BPIFB4: variants seen among roughly 807,000 people sequenced by gnomAD.
BPIFB4 encodes the protein BPI fold containing family B member 4.
In BPIFB4, 62 loss-of-function variants were observed where a neutral mutation model predicts 69.2. That is an observed-to-expected ratio of 0.90 (90% CI 0.73 to 1.11). The LOEUF is 1.11. BPIFB4 is among the 50% of genes least tolerant of loss of function. BPIFB4 has a pLI of 0.00. For missense variants in BPIFB4, 789 were observed against 792.0 expected, an observed-to-expected ratio of 1.00 and a Z score of 0.04; for synonymous variants, 330 against 332.7, an observed-to-expected ratio of 0.99 and a Z score of 0.09.
rs753934650 is a variant in BPIFB4 at position 33,089,535 on chromosome 20, A to G, written c.1028A>G (p.Asn343Ser). 2.2e-5 allele frequency: 35 copies of G among 1,614,072 alleles called. No homozygotes were observed. Among genetic ancestry groups the G allele is most frequent in the Non-Finnish European group, 2.8e-5 (33 of 1,180,042 alleles). ...GTGGATGTGGTGCTGGGTCTTGTCA[A>G]TGACCAGCTGGGCCTCGTGGATTGT... ...PIVDVVLGLV[N>S]DQLGLVDSLI... The change falls in exon 9 of 18, where the codon AAT (asparagine) becomes AGT (serine). Residue 343 changes from asparagine to serine, a missense_variant. By Grantham distance (46) the Asn-to-Ser change is conservative. Transcript: ENST00000375483.
chr20:33,089,408 A>G lies in BPIFB4; in HGVS notation c.991-90A>G, dbSNP rs1981530121. The G allele has an allele frequency of 3.1e-6, 5 of 1,592,264 alleles. No homozygotes were observed. In the East Asian group the frequency reaches 9.0e-5, roughly 29 times the overall value. On this transcript the variant is annotated intron_variant, in intron 8 of 17. Coordinates refer to ENST00000375483, the MANE Select transcript of BPIFB4 (RefSeq NM_182519.3). The stretch of plus-strand genomic sequence containing the variant: ...CTGGCACAGAGCAAGCAGTCAGTAA[A>G]TTTTAGCTATCGTTACTCTTGCGTC...
intron 12 of BPIFB4, 89 bp from the exon 13 acceptor site, chr20:33,097,528 G>C: frequency 3.6e-6 from 5 of 1,370,790 alleles, no homozygotes; most frequent in Non-Finnish European, 5.0e-6. Context: ...ATGAGACCCC[G>C]GTGCTCTGTG....
chr20:33,082,323 GTTTATTTTAT>G (rs3049372), intron 3 of BPIFB4, among the ~76,000 whole-genome samples: 2 of 150,976 alleles, frequency 1.3e-5, no homozygotes, highest in Non-Finnish European at 2.9e-5. Context: ...ACATAAGAAA[GTTTATTTTAT>G]TTTATTTTAT....
chr20:33,092,605 C>T lies in BPIFB4; in HGVS notation c.1291C>T (p.Leu431=), dbSNP rs574793283. ...AMSANFLGSV[L]TLLQKQHALD... ...GTCTGCCAACTTCCTGGGCTCAGTG[C>T]TGACTCTACTGCAGAAGCAGCATGC... Residue 431 remains leucine (L), a synonymous_variant, in exon 11 of 18, where the codon CTG becomes TTG. Coordinates refer to ENST00000375483, the MANE Select transcript of BPIFB4 (RefSeq NM_182519.3). 6.2e-7 allele frequency: 1 copy of T among 1,613,596 alleles called. No homozygotes were observed. The highest frequency in any genetic ancestry group is 8.5e-7 in the Non-Finnish European group (1 of 1,180,024).
intron 5 of BPIFB4, among the ~76,000 whole-genome samples, chr20:33,084,434 A>C (rs541620731): frequency 3.3e-5 from 5 of 152,330 alleles, no homozygotes; most frequent in Admixed American, 3.3e-4. Context: ...CAACAGTGGC[A>C]AGAAGTTCAT....
chr20:33,101,729 A>G (rs1414760610), intron 14 of BPIFB4, among the ~76,000 whole-genome samples: 2 of 152,140 alleles, frequency 1.3e-5, no homozygotes, highest in Admixed American at 1.3e-4. Context: ...TATTTCTAGT[A>G]GAGACGGGGT....
At chr20:33,108,491 C>T (rs1478601220) in intron 17 of BPIFB4, among the ~76,000 whole-genome samples, 1 of 147,618 alleles carries the variant, frequency 6.8e-6, no homozygotes, top group Non-Finnish European at 1.5e-5. Context: ...GCTTTTCATT[C>T]CAGTCTTTCT....
At chr20:33,106,643 A>C (rs1455234844) in intron 16 of BPIFB4, among the ~76,000 whole-genome samples, 1 of 152,074 alleles carries the variant, frequency 6.6e-6, no homozygotes, top group Admixed American at 6.6e-5. Context: ...AAGGGGACAT[A>C]GTTCTTGCCT....
At chr20:33,082,099 C>A (rs1981248229) in intron 3 of BPIFB4, among the ~76,000 whole-genome samples, 1 of 152,182 alleles carries the variant, frequency 6.6e-6, no homozygotes, top group Non-Finnish European at 1.5e-5. Flanking sequence ...TATAATTATT[C>A]TTGCCTCCAA....
intron 11 of BPIFB4, among the ~76,000 whole-genome samples, chr20:33,094,183 A>T (rs6059076): frequency 0.5 from 75,643 of 152,100 alleles, 19,132 homozygotes; most frequent in Middle Eastern, 0.52. Context: ...GTCCCCTTTT[A>T]AACTAAGAGA....
rs754215511 is a variant in BPIFB4, at chr20:33,107,809, G to T, written c.1810G>T (p.Asp604Tyr). ...CATCGACTTTAGCAATGCAGACATTGACGTGTTGGAGGTAAGAGGAGATCG... is the reference window on the plus strand; with the variant it reads ...CATCGACTTTAGCAATGCAGACATTTACGTGTTGGAGGTAAGAGGAGATCG... ...LNIDFSNADI[D>Y]VLEDLLVLSA The change falls in exon 17 of 18, where the codon GAC (aspartate) becomes TAC (tyrosine). Residue 604 changes from aspartate (D) to tyrosine (Y), a missense_variant. By Grantham distance (160) the Asp-to-Tyr change is radical (BLOSUM62 -3). Around this residue, in one of 3 missense-constraint regions of BPIFB4, gnomAD observed 170 missense variants for 193.6 expected, o/e 0.88. Coordinates refer to ENST00000375483, the MANE Select transcript of BPIFB4 (RefSeq NM_182519.3). The T allele has an allele frequency of 1.9e-6, 3 of 1,613,928 alleles. No individual in the cohort carries two copies. Among genetic ancestry groups the T allele is most frequent in the Non-Finnish European group, 2.5e-6 (3 of 1,179,834 alleles).
chr20:33,085,069 AG>A, intron 6 of BPIFB4, 73 bp downstream of exon 6: 1 of 1,542,824 alleles, frequency 6.5e-7, no homozygotes, highest in Non-Finnish European at 8.7e-7. Context: ...CACAGAGGCT[AG>A]GAAGACCTAA....
rs763653111 is a variant in BPIFB4 at position 33,083,395 on chromosome 20, C to T, written c.198C>T (p.Phe66=). ...LGVGDIPYND[F]HVRGPPPVYT... ...TTGGTGATATTCCCTACAATGACTTCCATGTCCGAGGACCCCCCCCAGTAT... is the reference window on the plus strand; with the variant it reads ...TTGGTGATATTCCCTACAATGACTTTCATGTCCGAGGACCCCCCCCAGTAT... Residue 66 remains phenylalanine, a synonymous_variant, in exon 5 of 18, where the codon TTC becomes TTT. Transcript: ENST00000375483. The T allele has an allele frequency of 6.2e-7, 1 of 1,613,492 alleles. No homozygotes were observed. The highest frequency in any genetic ancestry group is 8.5e-7 in the Non-Finnish European group (1 of 1,179,632).
rs878859109 is a variant in BPIFB4 at position 33,085,106 on chromosome 20, C to T, written c.782+110C>T. ...ACTTCTGCCAGTGCATGCCCACAGACTTGCACCAGAGGCCATCTGTCAGCG... is the reference window on the plus strand; with the variant it reads ...ACTTCTGCCAGTGCATGCCCACAGATTTGCACCAGAGGCCATCTGTCAGCG... On this transcript the variant is annotated intron_variant, in intron 6 of 17. Transcript: ENST00000375483. 76 of 1,491,264 alleles carry T rather than the reference C, an allele frequency of 5.1e-5. 2 individuals are homozygous for T. In the South Asian group the frequency reaches 8.8e-4, roughly 17 times the overall value. 92.4% of individuals were successfully genotyped at this position (1,491,264 alleles called of 1,614,324 possible).
At chr20:33,101,706 A>G (rs1308780131) in intron 14 of BPIFB4, among the ~76,000 whole-genome samples, 1 of 152,038 alleles carries the variant, frequency 6.6e-6, no homozygotes, top group Non-Finnish European at 1.5e-5. Flanking sequence ...CCACCACGCC[A>G]GACTAATTTT....
At chr20:33,097,200 C>T (rs1053590208) in intron 12 of BPIFB4, among the ~76,000 whole-genome samples, 1 of 152,056 alleles carries the variant, frequency 6.6e-6, no homozygotes, top group Non-Finnish European at 1.5e-5. Flanking sequence ...TGGACAATTT[C>T]CTTGGCATTC....
chr20:33,108,463 C>T (rs1168137745), intron 17 of BPIFB4, among the ~76,000 whole-genome samples: 1 of 93,804 alleles, frequency 1.1e-5, no homozygotes, highest in Non-Finnish European at 2.2e-5. Flanking sequence ...CAGCAATTCC[C>T]CCTGAGAACA....
In BPIFB4 at chr20:33,111,346, A is replaced by C. The variant is rs182372779; in HGVS notation, c.1822-68A>C. ...AACATGACCGGCCAGATCCGTAGGC[A>C]GGTGAGTAGCAAGGCTCTAGCCAGA... On this transcript the variant is annotated intron_variant, in intron 17 of 17. Transcript: ENST00000375483. 2,447 of 1,590,598 alleles carry C rather than the reference A, an allele frequency of 1.5e-3. 10 individuals are homozygous for C. Among genetic ancestry groups the C allele is most frequent in the South Asian group, 1.9e-3 (168 of 90,514 alleles).
intron 11 of BPIFB4, 67 bp downstream of exon 11, chr20:33,092,725 C>T (rs1981642886): frequency 1.4e-6 from 2 of 1,442,368 alleles, no homozygotes; most frequent in Non-Finnish European, 1.9e-6. Context: ...CCTTCTCAGT[C>T]TCCACAGACT....
Sources: gnomAD v4.1 joint callset for allele counts (sites outside exome capture counted in the v4.1 genomes callset) on GRCh38, gnomAD v4.1.1 for gene constraint, gnomAD v4.1.1 regional missense constraint, MANE v1.5 for transcripts, NCBI Gene and HGNC (gene_info 2026-07-23, HGNC 2026-07-21) for gene names.